The following AZIN2 variants were observed in gnomAD, a reference collection of about 807,000 sequenced individuals.
AZIN2 encodes the protein ODC antizyme inhibitor-2.
AZIN2 carries 28 observed loss-of-function variants against 47.8 expected under a neutral mutation model. That is an observed-to-expected ratio of 0.59 (90% CI 0.43 to 0.80). The LOEUF is 0.80. Among genes scored for constraint, AZIN2 ranks in the 30% least tolerant of loss-of-function variants. The probability of loss-of-function intolerance (pLI) is 0.00; values close to 1 mark genes in which losing one functional copy is unlikely to be tolerated. For synonymous variants in AZIN2, 221 were observed against 239.4 expected (o/e 0.92, Z 0.71); for missense variants, 535 against 582.5 (o/e 0.92, Z 0.84).
the AZIN2 span, among the ~76,000 whole-genome samples, chr1:33,143,493 G>T: frequency 6.6e-6 from 1 of 152,156 alleles, no homozygotes; most frequent in Non-Finnish European, 1.5e-5. Context: ...AATCACCCCA[G>T]TCACTTCCCT....
chr1:33,164,614 A>G, the AZIN2 span: 7 of 152,386 alleles, frequency 4.6e-5, no homozygotes, highest in African/African-American at 1.7e-4. Context: ...TTTGTTTCCC[A>G]AACCACGGTA....
At chr1:33,083,560 T>C (rs1275281896) in intron 4 of AZIN2, 1 of 321,746 alleles carries the variant, frequency 3.1e-6, no homozygotes, top group Non-Finnish European at 6.1e-6. Context: ...CATATGCAAA[T>C]GCAGTGGGAG....
At chr1:33,142,649 A>G in the AZIN2 span, 1 of 152,240 alleles carries the variant, frequency 6.6e-6, no homozygotes, top group Non-Finnish European at 1.5e-5. Context: ...TTGAGACTTG[A>G]CTTACAATTG....
the AZIN2 span, among the ~76,000 whole-genome samples, chr1:33,138,567 G>A: frequency 2.0e-5 from 3 of 149,642 alleles, no homozygotes; most frequent in African/African-American, 5.0e-5. Flanking sequence ...CACTGTGATC[G>A]TGCCACTGCA....
the AZIN2 span, chr1:33,145,799 G>T: frequency 2.1e-6 from 1 of 466,314 alleles, no homozygotes; most frequent in Non-Finnish European, 4.5e-6. Flanking sequence ...AGTTCTTCAC[G>T]ATTGGATGCT....
downstream of AZIN2, among the ~76,000 whole-genome samples, chr1:33,124,372 T>C (rs903635445): frequency 2.0e-5 from 3 of 151,688 alleles, no homozygotes; most frequent in African/African-American, 7.3e-5. This position sits in a 1 kb window ranked among gnomAD's most constrained non-coding sequence, Gnocchi z 4.6. Flanking sequence ...GTCAGGATCT[T>C]TGGGAAGATT....
At chr1:33,082,666 C>T (rs1641414901) in intron 4 of AZIN2, 2 of 254,802 alleles carry the variant, frequency 7.8e-6, no homozygotes, top group East Asian at 2.2e-4. Context: ...AAATAAGCCT[C>T]CAGTGTGCTT....
the AZIN2 span, chr1:33,165,154 G>A: frequency 4.1e-6 from 1 of 241,318 alleles, no homozygotes; most frequent in Non-Finnish European, 8.1e-6. The surrounding 1 kb of genome is among the most constrained non-coding windows in gnomAD (Gnocchi z 4.0). Context: ...CCTTCAGGAG[G>A]CAGGGGGTTT....
intron 6 of AZIN2, among the ~76,000 whole-genome samples, chr1:33,092,879 A>C (rs1642724382): frequency 1.3e-5 from 2 of 152,122 alleles, no homozygotes; most frequent in Non-Finnish European, 2.9e-5. Context: ...CTTGGGGTGA[A>C]GGGGGTGGCC....
intron 10 of AZIN2, among the ~76,000 whole-genome samples, chr1:33,103,838 G>A (rs548424230): frequency 2.6e-4 from 40 of 151,680 alleles, no homozygotes; most frequent in Middle Eastern, 3.5e-3. Context: ...TCCCTAGTAC[G>A]GAACTTGGCA....
chr1:33,100,501 C>T (rs183587817), intron 10 of AZIN2, among the ~76,000 whole-genome samples: 2 of 152,010 alleles, frequency 1.3e-5, no homozygotes, highest in Non-Finnish European at 2.9e-5. Context: ...CTCAAAGCAC[C>T]GTGCTGAGGT....
At chr1:33,082,817 G>A (rs1641436230) in intron 4 of AZIN2, 1 of 161,768 alleles carries the variant, frequency 6.2e-6, no homozygotes, top group East Asian at 1.9e-4. Flanking sequence ...ACAGGATCAA[G>A]TCAGAGCTTC....
intron 4 of AZIN2, 144 bp downstream of exon 4, chr1:33,082,498 A>C: frequency 1.6e-6 from 1 of 606,672 alleles, no homozygotes; most frequent in Non-Finnish European, 2.8e-6. Context: ...GGCTCAATTT[A>C]TCCCCAATTC....
chr1:33,165,371 G>T, the AZIN2 span: 1 of 1,127,920 alleles, frequency 8.9e-7, no homozygotes. This position sits in a 1 kb window ranked among gnomAD's most constrained non-coding sequence, Gnocchi z 4.0. Flanking sequence ...GGTTTCCACC[G>T]CACACCCGAG....
the AZIN2 span, among the ~76,000 whole-genome samples, chr1:33,154,095 A>G: frequency 2.6e-5 from 4 of 152,228 alleles, no homozygotes; most frequent in African/African-American, 4.8e-5. Flanking sequence ...AGCCGAAGGG[A>G]ATGGCATGTG....
chr1:33,114,261 G>A (rs1455351377), intron 10 of AZIN2, among the ~76,000 whole-genome samples: 1 of 151,366 alleles, frequency 6.6e-6, no homozygotes, highest in Admixed American at 6.6e-5. Context: ...TGAGATTACA[G>A]GCGCCTGCCA....
downstream of AZIN2, among the ~76,000 whole-genome samples, chr1:33,124,138 C>A (rs939497735): frequency 6.6e-6 from 1 of 152,098 alleles, no homozygotes; most frequent in Non-Finnish European, 1.5e-5. This position sits in a 1 kb window ranked among gnomAD's most constrained non-coding sequence, Gnocchi z 4.6. Context: ...TGCACTCCAG[C>A]CTAGGCGACA....
chr1:33,151,014 G>A, the AZIN2 span, among the ~76,000 whole-genome samples: 2 of 152,094 alleles, frequency 1.3e-5, no homozygotes, highest in South Asian at 2.1e-4. Flanking sequence ...GGACTGGTGC[G>A]GGGCGGGGGG....
At chr1:33,143,665 C>T in the AZIN2 span, among the ~76,000 whole-genome samples, 220 of 152,292 alleles carry the variant, frequency 1.4e-3, 4 homozygotes, top group East Asian at 4.6e-3. Context: ...GATGAAGATC[C>T]ACCTGTGGCC....
Sources: allele counts gnomAD v4.1 joint callset (sites outside exome capture counted in the v4.1 genomes callset), GRCh38; gene constraint gnomAD v4.1.1; non-coding constraint Gnocchi (gnomAD v3.1); transcripts MANE v1.5; gene names NCBI Gene and HGNC (gene_info 2026-07-23, HGNC 2026-07-21).